The following ESRRB variants were observed in gnomAD, a reference collection of about 807,000 sequenced individuals.
ESRRB encodes the protein steroid hormone receptor ERR2.
In ESRRB, 16 loss-of-function variants were observed where a neutral mutation model predicts 46.0. The ratio of observed to expected loss-of-function variants is 0.35; its 90% CI spans 0.24 to 0.53. ESRRB has a LOEUF of 0.53. Among genes scored for constraint, ESRRB ranks in the 20% least tolerant of loss-of-function variants. ESRRB has a pLI of 0.93. For synonymous variants in ESRRB, 246 were observed against 259.6 expected, an observed-to-expected ratio of 0.95 and a Z score of 0.50; for missense variants, 488 against 607.4, an observed-to-expected ratio of 0.80 and a Z score of 2.07.
At chr14:76,462,019 G>A (rs1888882705) in intron 2 of ESRRB, among the ~76,000 whole-genome samples, 1 of 152,222 alleles carries the variant, frequency 6.6e-6, no homozygotes, top group South Asian at 2.1e-4. Flanking sequence ...TCAGAGGAAA[G>A]TATATCCTCA....
At chr14:76,421,299 T>C (rs1040616117) in intron 1 of ESRRB, among the ~76,000 whole-genome samples, 4 of 152,146 alleles carry the variant, frequency 2.6e-5, no homozygotes, top group Admixed American at 2.6e-4. Flanking sequence ...GGGCAAATCT[T>C]TGCCTTTCCA....
intron 1 of ESRRB, among the ~76,000 whole-genome samples, chr14:76,379,778 TTG>T (rs1316097669): frequency 3.9e-5 from 6 of 151,930 alleles, no homozygotes; most frequent in African/African-American, 1.5e-4. Flanking sequence ...CTCTTGGAGT[TTG>T]TTACTTCCCC....
At chr14:76,468,252 C>A (rs558790072) in intron 3 of ESRRB, among the ~76,000 whole-genome samples, 1 of 152,118 alleles carries the variant, frequency 6.6e-6, no homozygotes, top group Non-Finnish European at 1.5e-5. Context: ...TTTAAAAATT[C>A]TTTTTCTTTT....
chr14:76,346,490 G>A (rs2139756533), intron 1 of ESRRB, among the ~76,000 whole-genome samples: 1 of 152,360 alleles, frequency 6.6e-6, no homozygotes, highest in African/African-American at 2.4e-5. Context: ...GAGCATAGGG[G>A]TCTGCAGGTT....
chr14:76,463,072 C>T (rs1224174537), intron 3 of ESRRB: 1 of 266,920 alleles, frequency 3.7e-6, no homozygotes, highest in Non-Finnish European at 7.3e-6. Context: ...TTCCCTTCAC[C>T]TGTGAAGAAT....
At chr14:76,470,474 G>A (rs970117824) in intron 3 of ESRRB, among the ~76,000 whole-genome samples, 2 of 152,148 alleles carry the variant, frequency 1.3e-5, no homozygotes, top group African/African-American at 4.8e-5. Context: ...CAGACATCTA[G>A]AAGGAGGAAA....
At chr14:76,445,451 A>C (rs1888095114) in intron 2 of ESRRB, among the ~76,000 whole-genome samples, 1 of 147,690 alleles carries the variant, frequency 6.8e-6, no homozygotes. Context: ...GGGCAACAAA[A>C]GCAAAACTCC....
At chr14:76,344,839 C>T (rs1475123497) in intron 1 of ESRRB, among the ~76,000 whole-genome samples, 1 of 120,928 alleles carries the variant, frequency 8.3e-6, no homozygotes, top group African/African-American at 3.1e-5. Context: ...GTGACAGAGA[C>T]TCCATCTCAA....
Position 76,499,057 on chromosome 14 carries a change from T to C in ESRRB, c.*599T>C. 2.9e-6 allele frequency: 1 copy of C among 341,344 alleles called. No individual in the cohort carries two copies. The highest frequency in any genetic ancestry group is 5.8e-6 in the Non-Finnish European group (1 of 171,790). The allele number at this position is 341,344 out of a possible 1,614,324, so 21.1% of individuals were successfully genotyped here. A position where few individuals can be genotyped will look rare whatever the true frequency, so the allele number is the denominator to read the frequency against. On this transcript the variant is annotated 3_prime_UTR_variant, in exon 7 of 7. Transcript: ENST00000644823. ...CCCACAGGAGAGCAGCGGCTAGAGCTCAAGTGCTTCCTGGGCACCCCACCC... is the reference window on the plus strand; with the variant it reads ...CCCACAGGAGAGCAGCGGCTAGAGCCCAAGTGCTTCCTGGGCACCCCACCC...
chr14:76,370,235 A>AT (rs906189423), upstream of ESRRB, among the ~76,000 whole-genome samples: 51 of 151,764 alleles, frequency 3.4e-4, no homozygotes, highest in African/African-American at 1.2e-3. Context: ...TAAAAAAAAA[A>AT]AAAAACACAA....
chr14:76,486,318 C>T (rs939246291), intron 5 of ESRRB, among the ~76,000 whole-genome samples: 1 of 152,180 alleles, frequency 6.6e-6, no homozygotes, highest in African/African-American at 2.4e-5. Context: ...CCTGCCCAGG[C>T]TCCCATGTGC....
intron 1 of ESRRB, among the ~76,000 whole-genome samples, chr14:76,332,871 A>T (rs1484217441): frequency 1.7e-4 from 2 of 12,086 alleles, no homozygotes; most frequent in Non-Finnish European, 3.0e-4. Context: ...TATATAATAT[A>T]TTTTTTTATA....
intron 1 of ESRRB, among the ~76,000 whole-genome samples, chr14:76,401,842 T>G (rs1885960005): frequency 6.6e-6 from 1 of 152,222 alleles, no homozygotes; most frequent in Non-Finnish European, 1.5e-5. Flanking sequence ...ATATCCTTTA[T>G]TTATGTATAT....
At chr14:76,388,175 CTTTTTTTTTTT>C (rs35368784) in intron 1 of ESRRB, among the ~76,000 whole-genome samples, 1 of 118,260 alleles carries the variant, frequency 8.5e-6, no homozygotes, top group African/African-American at 3.5e-5. Flanking sequence ...TTCTTTCATT[CTTTTTTTTTTT>C]TTTTTTTTTT....
intron 1 of ESRRB, among the ~76,000 whole-genome samples, chr14:76,321,026 C>G (rs1316284240): frequency 2.0e-5 from 3 of 152,142 alleles, no homozygotes; most frequent in African/African-American, 7.2e-5. Flanking sequence ...TCCCTCTGTG[C>G]TTCCTTATAA....
chr14:76,312,717 A>G lies in ESRRB; in HGVS notation c.2+1801A>G, dbSNP rs150640986. On this transcript the variant is annotated intron_variant, in intron 1 of 6. Coordinates refer to the ESRRB transcript ENST00000512784. ...TATGTCCTGCTAAGGTTTTTTCACC[A>G]TAATGCTGAAGTGGGATTTGGTGGA... Among the ~76,000 whole-genome samples, 288 of 152,168 alleles carry G rather than the reference A, an allele frequency of 1.9e-3. 1 individual carries two copies. The highest frequency in any genetic ancestry group is 6.7e-3 in the African/African-American group (277 of 41,508).
In ESRRB at chr14:76,356,597, G is replaced by A. The variant is rs116854226; in HGVS notation, c.2+45681G>A. Among the ~76,000 whole-genome samples, 51 of 152,212 alleles carry A rather than the reference G, an allele frequency of 3.4e-4. No homozygotes were observed. The East Asian group carries it at 4.8e-3, about 14-fold the overall frequency. On this transcript the variant is annotated intron_variant, in intron 1 of 6. Transcript: ENST00000512784. The stretch of plus-strand genomic sequence containing the variant: ...GGCCATGTGGCCCCACCAACCTCAC[G>A]TGACCCCACTGACCTCACATGGCCC...
At chr14:76,476,865 GC>G (rs1889605054) in intron 3 of ESRRB, among the ~76,000 whole-genome samples, 2 of 152,232 alleles carry the variant, frequency 1.3e-5, no homozygotes, top group Admixed American at 1.3e-4. Flanking sequence ...AGGCAAAAGA[GC>G]TGCACTGAAC....
intron 1 of ESRRB, among the ~76,000 whole-genome samples, chr14:76,320,971 T>G (rs1883859602): frequency 6.6e-6 from 1 of 152,174 alleles, no homozygotes; most frequent in South Asian, 2.1e-4. Flanking sequence ...ACTCGCTAAA[T>G]AAAGAGGCCT....
Sources: allele counts gnomAD v4.1 joint callset (sites outside exome capture counted in the v4.1 genomes callset), GRCh38; gene constraint gnomAD v4.1.1; transcripts MANE v1.5; gene names NCBI Gene and HGNC (gene_info 2026-07-23, HGNC 2026-07-21).